DNAH17: variants seen among roughly 807,000 people sequenced by gnomAD.
DNAH17 encodes axonemal beta dynein heavy chain 17.
Under a neutral mutation model 485.6 loss-of-function variants are expected in DNAH17, and 376 were observed. That is an observed-to-expected ratio of 0.77 (90% CI 0.71 to 0.84). The LOEUF is 0.84. Among genes scored for constraint, DNAH17 ranks in the 40% least tolerant of loss-of-function variants. The probability of loss-of-function intolerance (pLI) is 0.00; values close to 1 mark genes in which losing one functional copy is unlikely to be tolerated. For missense variants in DNAH17, 6,370 were observed against 5,839.3 expected, an observed-to-expected ratio of 1.09 and a Z score of -2.96; for synonymous variants, 3,031 against 2,405.9, an observed-to-expected ratio of 1.26 and a Z score of -7.60.
At chr17:78,455,913 C>G in intron 62 of DNAH17, 77 bp from the exon 63 acceptor site, 1 of 1,238,208 alleles carries the variant, frequency 8.1e-7, no homozygotes, top group Non-Finnish European at 1.1e-6. Context: ...CACCTCTGCA[C>G]CTCTGTGAAT....
At position 78,529,626 on chromosome 17, in the gene DNAH17, T is replaced by C. The variant is rs761350809; in HGVS notation, c.3353A>G (p.Asp1118Gly). The C allele has an allele frequency of 6.2e-7, 1 of 1,613,718 alleles. No homozygotes were observed. Among genetic ancestry groups the C allele is most frequent in the Admixed American group, 1.7e-5 (1 of 60,002 alleles). ...CATCACCTCCACAAGCCCATCATAGTCCCCCTCCTTGAGGGGCTTGGTCAA... is the reference window on the plus strand; with the variant it reads ...CATCACCTCCACAAGCCCATCATAGCCCCCCTCCTTGAGGGGCTTGGTCAA... ...MGLTKPLKEG[D>G]YDGLVEVMGH... Residue 1118 changes from aspartate (D) to glycine (G), a missense_variant, in exon 22 of 81, where the codon GAC (aspartate) becomes GGC (glycine). Physicochemically the swap from Asp to Gly is moderately conservative, Grantham distance 94. Transcript: ENST00000389840.
chr17:78,555,971 C>T (rs565678350), intron 14 of DNAH17, among the ~76,000 whole-genome samples: 4 of 152,364 alleles, frequency 2.6e-5, no homozygotes, highest in African/African-American at 9.6e-5. Context: ...CAGAGTAACA[C>T]CACCTGCTTT....
Position 78,460,259 on chromosome 17 carries a change from TGGAA to T in DNAH17, c.9340-6_9340-3del. ...GGCCTTTTGCTTCTCAGTGACGTTC[TGGAA>T]GGAAGATGGACAGGAGAGGTTACTG... is the stretch of plus-strand genomic sequence containing the variant. On this transcript the variant is annotated splice_polypyrimidine_tract_variant and splice_region_variant and intron_variant, in intron 58 of 80. Coordinates refer to ENST00000389840, the MANE Select transcript of DNAH17 (RefSeq NM_173628.4). 1 of 1,595,778 alleles carries T rather than the reference TGGAA, an allele frequency of 6.3e-7. No individual in the cohort carries two copies. Among genetic ancestry groups the T allele is most frequent in the Non-Finnish European group, 8.5e-7 (1 of 1,170,180 alleles).
intron 75 of DNAH17, among the ~76,000 whole-genome samples, chr17:78,433,466 G>A (rs528666756): frequency 1.3e-5 from 2 of 152,234 alleles, no homozygotes; most frequent in Non-Finnish European, 2.9e-5. Context: ...TACGGAGGAT[G>A]TGTGGCTTTC....
At chr17:78,507,906 A>G in intron 27 of DNAH17, 101 bp from the exon 28 acceptor site, 4 of 1,188,958 alleles carry the variant, frequency 3.4e-6, no homozygotes, top group African/African-American at 1.5e-5. Context: ...CCATGATCAG[A>G]AAGCAAAAAG....
chr17:78,426,752 A>G (rs2086483291), intron 78 of DNAH17, 152 bp from the exon 79 acceptor site: 1 of 1,301,840 alleles, frequency 7.7e-7, no homozygotes, highest in Non-Finnish European at 1.1e-6. Context: ...GCTTCCTGCT[A>G]AGGAACGGTC....
At chr17:78,554,609 G>A (rs1315271773) in intron 14 of DNAH17, among the ~76,000 whole-genome samples, 2 of 152,142 alleles carry the variant, frequency 1.3e-5, no homozygotes, top group East Asian at 1.9e-4. Context: ...CACCATTTAG[G>A]CCTAGGAATC....
intron 14 of DNAH17, 135 bp downstream of exon 14, chr17:78,557,973 G>T: frequency 8.9e-7 from 1 of 1,121,456 alleles, no homozygotes; most frequent in Non-Finnish European, 1.2e-6. Context: ...AGTATGCAGT[G>T]AATGGAAGAA....
intron 22 of DNAH17, among the ~76,000 whole-genome samples, chr17:78,527,815 A>G (rs760612170): frequency 1.5e-4 from 23 of 152,198 alleles, no homozygotes; most frequent in Non-Finnish European, 2.2e-4. Flanking sequence ...GTCTCACTCT[A>G]CTGCTGAGGC....
At chr17:78,461,451 G>T in intron 58 of DNAH17, 93 bp downstream of exon 58, 1 of 1,299,802 alleles carries the variant, frequency 7.7e-7, no homozygotes, top group South Asian at 1.7e-5. Context: ...CCTTTCCCAC[G>T]CCTGTCGGTG....
In DNAH17 at chr17:78,425,474, G is replaced by T; in HGVS notation, c.13013C>A (p.Ser4338Tyr). Reference protein sequence around the residue: ...PQSFLTAIMQSMARKNEWPLD... With the variant: ...PQSFLTAIMQYMARKNEWPLD... Reference sequence around the variant, plus strand: ...GGGCCACTCGTTCTTCCTGGCCATGGACTGCATGATGGCCGTGAGGAACGA... The same window carrying T: ...GGGCCACTCGTTCTTCCTGGCCATGTACTGCATGATGGCCGTGAGGAACGA... Residue 4338 changes from serine (S) to tyrosine (Y), a missense_variant, in exon 80 of 81, where the codon TCC becomes TAC. Ser to Tyr is a moderately radical substitution (Grantham distance 144, BLOSUM62 -2). Transcript: ENST00000389840. The T allele has an allele frequency of 6.2e-7, 1 of 1,613,992 alleles. No individual in the cohort carries two copies. Among genetic ancestry groups the T allele is most frequent in the South Asian group, 1.1e-5 (1 of 91,080 alleles).
At chr17:78,474,059 G>A (rs931966573) in intron 54 of DNAH17, among the ~76,000 whole-genome samples, 3 of 152,232 alleles carry the variant, frequency 2.0e-5, no homozygotes, top group Non-Finnish European at 2.9e-5. Context: ...GCCAGAAACT[G>A]GAGGCTCTCC....
intron 31 of DNAH17, among the ~76,000 whole-genome samples, chr17:78,503,465 A>G (rs1013876718): frequency 2.6e-5 from 4 of 151,292 alleles, no homozygotes; most frequent in African/African-American, 4.9e-5. Context: ...GATTACAGGC[A>G]TGAGCCACCA....
chr17:78,516,373 T>C (rs1228967793), intron 25 of DNAH17, among the ~76,000 whole-genome samples: 1 of 152,216 alleles, frequency 6.6e-6, no homozygotes, highest in Non-Finnish European at 1.5e-5. Context: ...CCTGCTATGT[T>C]CTGTAATGCC....
At chr17:78,426,375 G>A (rs1472223212) in intron 79 of DNAH17, 82 bp downstream of exon 79, 1 of 1,436,390 alleles carries the variant, frequency 7.0e-7, no homozygotes, top group African/African-American at 1.4e-5. Context: ...TGCTCCTGCA[G>A]GCTCTAGGGT....
In DNAH17 at chr17:78,518,372, C is replaced by T. The variant is rs1246535719; in HGVS notation, c.3865-3350G>A. ...CTATACTAGTATCAGATCAAGCCAA[C>T]CTTAGAGCAAAGAAAATTCCTAGAG... On this transcript the variant is annotated intron_variant, in intron 25 of 80. Transcript: ENST00000389840. Among the ~76,000 whole-genome samples the T allele has an allele frequency of 2.0e-5, 3 of 152,076 alleles. No homozygotes were observed. The South Asian group carries it at 6.2e-4, about 31-fold the overall frequency.
At chr17:78,560,657 T>C in intron 13 of DNAH17, 83 bp downstream of exon 13, 1 of 1,398,892 alleles carries the variant, frequency 7.1e-7, no homozygotes, top group East Asian at 2.5e-5. Flanking sequence ...TCGACCTCCA[T>C]AAATCCGTGC....
At chr17:78,543,287 G>GTATTT (rs1200669389) in intron 17 of DNAH17, among the ~76,000 whole-genome samples, 4 of 139,222 alleles carry the variant, frequency 2.9e-5, no homozygotes, top group African/African-American at 1.1e-4. Flanking sequence ...GTTAATTTTT[G>GTATTT]TTTTTTTTTT....
chr17:78,450,496 C>G, intron 67 of DNAH17, 102 bp from the exon 68 acceptor site: 5 of 1,508,616 alleles, frequency 3.3e-6, no homozygotes, highest in Non-Finnish European at 4.5e-6. Flanking sequence ...GGGAAGCCAC[C>G]CAAGGGCTCT....
Sources: gnomAD v4.1 joint callset for allele counts (sites outside exome capture counted in the v4.1 genomes callset) on GRCh38, gnomAD v4.1.1 for gene constraint, MANE v1.5 for transcripts, NCBI Gene and HGNC (gene_info 2026-07-23, HGNC 2026-07-21) for gene names.